DYRK1A: variants seen among roughly 807,000 people sequenced by gnomAD.
DYRK1A encodes the protein dual specificity tyrosine phosphorylation regulated kinase 1A, also known as dual specificity tyrosine-phosphorylation-regulated kinase 1A.
A neutral mutation model predicts 79.7 loss-of-function variants in DYRK1A; 9 were observed. The ratio of observed to expected loss-of-function variants is 0.11; its 90% CI spans 0.07 to 0.20. DYRK1A has a LOEUF of 0.20. Among genes scored for constraint, DYRK1A ranks in the 10% least tolerant of loss-of-function variants. The pLI is 1.00. For missense variants in DYRK1A, 622 were observed against 956.0 expected (o/e 0.65, Z 4.61); for synonymous variants, 349 against 329.7 (o/e 1.06, Z -0.63).
chr21:37,407,108 T>C (rs2835716), intron 1 of DYRK1A, among the ~76,000 whole-genome samples: 30,058 of 152,040 alleles, frequency 0.2, 3,201 homozygotes, highest in East Asian at 0.37. Flanking sequence ...TACACAGATA[T>C]ATTTACAAAC....
chr21:37,506,274 G>A, intron 11 of DYRK1A, 51 bp downstream of exon 11: 1 of 1,613,744 alleles, frequency 6.2e-7, no homozygotes, highest in Non-Finnish European at 8.5e-7. Context: ...TTCTCAGGTG[G>A]AGCAGCACTG....
rs556163435 is a variant in DYRK1A at position 37,515,643 on chromosome 21, T to G, written c.*3112T>G. 1 of 152,296 alleles carries G rather than the reference T, an allele frequency of 6.6e-6. No homozygotes were observed. The highest frequency in any genetic ancestry group is 1.9e-4 in the East Asian group (1 of 5,184). 9.4% of individuals were successfully genotyped at this position (152,296 alleles called of 1,614,324 possible). A position where few individuals can be genotyped will look rare whatever the true frequency, so the allele number is the denominator to read the frequency against. ...CCTAAAGTCTTCTCTTTTTACAAATTCACCTGCTTCAGTATATATTAAGGT... is the reference window on the plus strand; with the variant it reads ...CCTAAAGTCTTCTCTTTTTACAAATGCACCTGCTTCAGTATATATTAAGGT... On this transcript the variant is annotated 3_prime_UTR_variant, in exon 12 of 12. Coordinates refer to ENST00000647188, the MANE Select transcript of DYRK1A (RefSeq NM_001347721.2).
intron 2 of DYRK1A, among the ~76,000 whole-genome samples, chr21:37,450,682 C>T (rs897285056): frequency 1.4e-4 from 21 of 152,144 alleles, no homozygotes; most frequent in African/African-American, 5.1e-4. Flanking sequence ...CCCAGGCCAG[C>T]CTGGGCAGAG....
At chr21:37,419,265 A>G (rs2050417484) in intron 1 of DYRK1A, 1 of 152,184 alleles carries the variant, frequency 6.6e-6, no homozygotes, top group Non-Finnish European at 1.5e-5. Context: ...AGGAGTGTAA[A>G]ACAACTTAGG....
chr21:37,463,172 CAT>C (rs202148687), intron 2 of DYRK1A, among the ~76,000 whole-genome samples: 60 of 129,468 alleles, frequency 4.6e-4, no homozygotes, highest in East Asian at 1.3e-3. Flanking sequence ...CTTGTGTGTG[CAT>C]GTGTGTGTGT....
At position 37,385,648 on chromosome 21, in the gene DYRK1A, G is replaced by A. The variant is rs116968416; in HGVS notation, c.-77+18020G>A. Reference sequence around the variant, plus strand: ...TGTGCACAGGATGTGAACACTAGGAGGTGGGTCATGGGAGCCTCCATCAAA... The same window carrying A: ...TGTGCACAGGATGTGAACACTAGGAAGTGGGTCATGGGAGCCTCCATCAAA... On this transcript the variant is annotated intron_variant, in intron 1 of 11. Coordinates refer to ENST00000647188, the MANE Select transcript of DYRK1A (RefSeq NM_001347721.2). Among the ~76,000 whole-genome samples the A allele has an allele frequency of 1.9e-3, 289 of 152,296 alleles. 2 individuals carry two copies. The highest frequency in any genetic ancestry group is 3.4e-3 in the Middle Eastern group (1 of 294).
chr21:37,482,243 G>T (rs1015595123), intron 5 of DYRK1A, among the ~76,000 whole-genome samples: 1 of 152,114 alleles, frequency 6.6e-6, no homozygotes, highest in African/African-American at 2.4e-5. Context: ...GGGAAATTCA[G>T]CCAGATATCG....
At chr21:37,372,169 C>T (rs557909048) in intron 1 of DYRK1A, among the ~76,000 whole-genome samples, 28 of 152,024 alleles carry the variant, frequency 1.8e-4, no homozygotes, top group Non-Finnish European at 2.6e-4. Flanking sequence ...TGAGGCCTGG[C>T]GTGGTGGCTC....
intron 2 of DYRK1A, among the ~76,000 whole-genome samples, chr21:37,450,258 G>A (rs1163394066): frequency 6.6e-6 from 1 of 152,194 alleles, no homozygotes; most frequent in Non-Finnish European, 1.5e-5. Flanking sequence ...TTGGTGGCAT[G>A]GCTTTTTTGC....
At chr21:37,432,231 G>T (rs1208310823) in intron 2 of DYRK1A, among the ~76,000 whole-genome samples, 1 of 152,062 alleles carries the variant, frequency 6.6e-6, no homozygotes, top group Non-Finnish European at 1.5e-5. Context: ...GGATGGCACT[G>T]TTACCCAAAT....
chr21:37,451,298 C>T (rs952884931), intron 2 of DYRK1A, among the ~76,000 whole-genome samples: 46 of 152,212 alleles, frequency 3.0e-4, no homozygotes, highest in African/African-American at 9.4e-4. Flanking sequence ...CCGTAGTAGA[C>T]GGTTTAATGT....
At chr21:37,469,725 A>G (rs1047787929) in intron 2 of DYRK1A, among the ~76,000 whole-genome samples, 5 of 152,148 alleles carry the variant, frequency 3.3e-5, no homozygotes, top group African/African-American at 4.8e-5. Context: ...TCACGAGGAT[A>G]GCACTAGGGG....
chr21:37,464,760 T>G (rs1411863624), intron 2 of DYRK1A, among the ~76,000 whole-genome samples: 1 of 152,202 alleles, frequency 6.6e-6, no homozygotes, highest in Non-Finnish European at 1.5e-5. Flanking sequence ...ATCAGCAGTT[T>G]CATATGGTTC....
In DYRK1A at chr21:37,403,645, AAAAAT is replaced by A. The variant is rs1217141063; in HGVS notation, c.-76-16652_-76-16648del. ...TATGCTCAGCTAATTAAAAAAAAAA[AAAAAT>A]ATATATATATATATGTGTGTGTGTG... is the stretch of plus-strand genomic sequence containing the variant. On this transcript the variant is annotated intron_variant, in intron 1 of 11. Transcript: ENST00000647188. Among the ~76,000 whole-genome samples the A allele has an allele frequency of 3.5e-3, 361 of 102,594 alleles. 5 individuals are homozygous for A. Among genetic ancestry groups the A allele is most frequent in the African/African-American group, 8.3e-3 (195 of 23,630 alleles). 67.3% of individuals were successfully genotyped at this position (102,594 alleles called of 152,430 possible). A position where few individuals can be genotyped will look rare whatever the true frequency, so the allele number is the denominator to read the frequency against.
At chr21:37,430,700 C>T (rs2050753654) in intron 2 of DYRK1A, among the ~76,000 whole-genome samples, 1 of 152,170 alleles carries the variant, frequency 6.6e-6, no homozygotes, top group African/African-American at 2.4e-5. Context: ...GAGGAGGCCT[C>T]ATTAAGCAGT....
At chr21:37,473,597 G>C (rs1474733111) in intron 3 of DYRK1A, among the ~76,000 whole-genome samples, 1 of 152,166 alleles carries the variant, frequency 6.6e-6, no homozygotes, top group Non-Finnish European at 1.5e-5. Context: ...GAAAATGGCT[G>C]CTTTTCCATG....
At chr21:37,481,354 C>G (rs1335605577) in intron 5 of DYRK1A, 1 of 152,102 alleles carries the variant, frequency 6.6e-6, no homozygotes, top group Non-Finnish European at 1.5e-5. Context: ...ATCAGTCGCA[C>G]CAATACCAAG....
upstream of DYRK1A, among the ~76,000 whole-genome samples, chr21:37,366,706 G>T (rs977323093): frequency 6.6e-6 from 1 of 151,776 alleles, no homozygotes; most frequent in Non-Finnish European, 1.5e-5. Flanking sequence ...GCTCGGGGCT[G>T]GGGGGCGGGA....
intron 2 of DYRK1A, chr21:37,430,168 A>G: frequency 2.6e-6 from 1 of 379,026 alleles, no homozygotes; most frequent in Non-Finnish European, 3.6e-6. Flanking sequence ...ATTTCTTTTT[A>G]CCTCACAGCT....
Sources: gnomAD v4.1 joint callset for allele counts (sites outside exome capture counted in the v4.1 genomes callset) on GRCh38, gnomAD v4.1.1 for gene constraint, MANE v1.5 for transcripts, NCBI Gene and HGNC (gene_info 2026-07-23, HGNC 2026-07-21) for gene names.